The following OTOGL variants were observed in gnomAD, a reference collection of about 807,000 sequenced individuals.
OTOGL encodes otogelin like, also known as otogelin-like protein.
OTOGL carries 285 observed loss-of-function variants against 318.5 expected under a neutral mutation model. The ratio of observed to expected loss-of-function variants is 0.89; its 90% CI spans 0.81 to 0.99. The LOEUF (loss-of-function observed/expected upper bound fraction) is 0.99. OTOGL is among the 50% of genes least tolerant of loss of function. The pLI is 0.00. For missense variants in OTOGL, 2,899 were observed against 2,845.6 expected (o/e 1.02, Z -0.43); for synonymous variants, 987 against 936.5 (o/e 1.05, Z -0.99).
Position 80,367,438 on chromosome 12 carries a change from T to A in OTOGL, c.6332-123T>A, listed in dbSNP as rs934066982. On this transcript the variant is annotated intron_variant, in intron 53 of 58. Transcript: ENST00000547103. ...ATTAAAATACGTAAATATGAAGATC[T>A]TCATTAGTTTTGAAAAATTGGCACA... 6.4e-6 allele frequency: 4 copies of A among 627,092 alleles called. No homozygotes were observed. The African/African-American group carries it at 7.8e-5, about 12-fold the overall frequency. The allele number at this position is 627,092 out of a possible 1,614,324, so 38.8% of individuals were successfully genotyped here.
chr12:80,281,655 T>C (rs1884245535), intron 26 of OTOGL, among the ~76,000 whole-genome samples: 1 of 151,992 alleles, frequency 6.6e-6, no homozygotes, highest in African/African-American at 2.4e-5. Flanking sequence ...CCTGAAGTTT[T>C]CTTTTTTCAT....
chr12:80,253,523 A>G lies in OTOGL; in HGVS notation c.1343A>G (p.His448Arg), dbSNP rs770128793. 8.1e-6 allele frequency: 13 copies of G among 1,613,172 alleles called. No homozygotes were observed. In the African/African-American group the frequency reaches 1.7e-4, roughly 22 times the overall value. ...TTGGAAAATTGCCCATGCGGTTTTC[A>G]TGGATTAGCTTATTCAGTTGGTTCA... The part of the protein sequence containing the change: ...ISLENCPCGF[H>R]GLAYSVGSKI... The change falls in exon 14 of 59, where the codon CAT becomes CGT. Residue 448 changes from histidine to arginine, a missense_variant. Coordinates refer to ENST00000547103, the MANE Select transcript of OTOGL (RefSeq NM_001378609.3).
intron 1 of OTOGL, among the ~76,000 whole-genome samples, chr12:80,175,906 G>C (rs1295637985): frequency 6.6e-6 from 1 of 152,188 alleles, no homozygotes; most frequent in East Asian, 1.9e-4. Context: ...AGGTTGACTT[G>C]AAGACAGAAA....
intron 34 of OTOGL, among the ~76,000 whole-genome samples, 197 bp downstream of exon 34, chr12:80,320,897 C>T (rs952026538): frequency 2.6e-5 from 4 of 152,088 alleles, no homozygotes; most frequent in Admixed American, 6.5e-5. Flanking sequence ...TGTACTTTAT[C>T]GGGTTATGGT....
At chr12:80,375,580 T>C (rs1891133306) in intron 57 of OTOGL, among the ~76,000 whole-genome samples, 1 of 152,138 alleles carries the variant, frequency 6.6e-6, no homozygotes, top group Admixed American at 6.6e-5. Flanking sequence ...AGAAAATGCC[T>C]TGGTGATGAG....
intron 16 of OTOGL, 91 bp downstream of exon 16, chr12:80,255,276 T>C (rs775433582): frequency 2.2e-5 from 26 of 1,190,612 alleles, no homozygotes; most frequent in Non-Finnish European, 2.7e-5. Flanking sequence ...CATGAGTGGA[T>C]ATAGCTATTT....
At chr12:80,311,527 A>G in intron 30 of OTOGL, among the ~76,000 whole-genome samples, 1 of 152,040 alleles carries the variant, frequency 6.6e-6, no homozygotes. Context: ...GATTCAAGCG[A>G]TTCTCCTGCC....
intron 1 of OTOGL, among the ~76,000 whole-genome samples, chr12:80,163,748 C>T (rs977164418): frequency 1.3e-5 from 2 of 152,006 alleles, no homozygotes; most frequent in African/African-American, 2.4e-5. Context: ...TCAATGGGCC[C>T]AGTTGGGTAT....
chr12:80,285,942 C>T (rs1884588556), intron 26 of OTOGL, among the ~76,000 whole-genome samples: 1 of 152,164 alleles, frequency 6.6e-6, no homozygotes, highest in African/African-American at 2.4e-5. Flanking sequence ...GCATCCTTGT[C>T]TTGTGCCGGT....
chr12:80,357,133 C>A (rs1195314306), intron 49 of OTOGL, among the ~76,000 whole-genome samples: 1 of 152,074 alleles, frequency 6.6e-6, no homozygotes, highest in Non-Finnish European at 1.5e-5. Flanking sequence ...TACATCAGTC[C>A]AAATATGACC....
At chr12:80,246,327 A>G (rs868497259) in intron 11 of OTOGL, among the ~76,000 whole-genome samples, 5,529 of 146,118 alleles carry the variant, frequency 0.038, 175 homozygotes, top group Admixed American at 0.056. Flanking sequence ...ATTATTTTGA[A>G]ATACGTCCCA....
intron 1 of OTOGL, among the ~76,000 whole-genome samples, chr12:80,199,304 C>T (rs1565896954): frequency 6.6e-6 from 1 of 152,212 alleles, no homozygotes; most frequent in Non-Finnish European, 1.5e-5. Flanking sequence ...AATCTTGGTT[C>T]TCTGGCTAAC....
intron 1 of OTOGL, among the ~76,000 whole-genome samples, chr12:80,164,324 G>T (rs1417820411): frequency 6.6e-6 from 1 of 152,006 alleles, no homozygotes; most frequent in Non-Finnish European, 1.5e-5. Context: ...AATAATTTTG[G>T]GTGTTTGTTT....
At position 80,257,825 on chromosome 12, in the gene OTOGL, G is replaced by T. The variant is rs1352479532; in HGVS notation, c.1712G>T (p.Gly571Val). 1 of 1,570,504 alleles carries T rather than the reference G, an allele frequency of 6.4e-7. No individual in the cohort carries two copies. The highest frequency in any genetic ancestry group is 1.2e-5 in the South Asian group (1 of 86,798). Residue 571 changes from glycine to valine, a missense_variant and splice_region_variant, in exon 18 of 59, where the codon GGT becomes GTT. Gly to Val is a moderately radical substitution (Grantham distance 109). Transcript: ENST00000547103. ...ATTTACGTATGTTCTTTTCCTGCAG[G>T]TATTGTTGAAATTCAAACTCTGTCA... is the stretch of plus-strand genomic sequence containing the variant. The part of the protein sequence containing the change: ...TSPNQGFNLN[G>V]IVEIQTLSSL...
At chr12:80,281,706 T>G (rs1353570400) in intron 26 of OTOGL, among the ~76,000 whole-genome samples, 1 of 151,896 alleles carries the variant, frequency 6.6e-6, no homozygotes, top group African/African-American at 2.4e-5. Context: ...AATTCATTCT[T>G]AACTTTTATT....
intron 27 of OTOGL, among the ~76,000 whole-genome samples, chr12:80,299,241 A>T (rs1354424707): frequency 2.6e-5 from 4 of 152,216 alleles, no homozygotes; most frequent in Admixed American, 2.6e-4. Flanking sequence ...TCATGTTGAC[A>T]TGTTTTTAAA....
At chr12:80,358,123 C>G (rs1376550166) in intron 49 of OTOGL, 125 bp from the exon 50 acceptor site, 1 of 673,028 alleles carries the variant, frequency 1.5e-6, no homozygotes, top group Non-Finnish European at 2.6e-6. Flanking sequence ...AGGAAATATA[C>G]CTCATGTTTC....
chr12:80,186,924 T>C (rs1422528114), intron 1 of OTOGL, among the ~76,000 whole-genome samples: 1 of 152,158 alleles, frequency 6.6e-6, no homozygotes, highest in East Asian at 1.9e-4. Flanking sequence ...AGAATCCTCA[T>C]GGAAACAAAC....
intron 11 of OTOGL, among the ~76,000 whole-genome samples, chr12:80,242,242 G>C (rs2137446282): frequency 6.6e-6 from 1 of 152,264 alleles, no homozygotes; most frequent in South Asian, 2.1e-4. Context: ...TTTAGACTTT[G>C]ACTTTTGAAA....
Sources: gnomAD v4.1 joint callset for allele counts (sites outside exome capture counted in the v4.1 genomes callset) on GRCh38, gnomAD v4.1.1 for gene constraint, MANE v1.5 for transcripts, NCBI Gene and HGNC (gene_info 2026-07-23, HGNC 2026-07-21) for gene names.